Variants in CDH7 observed in about 807,000 individuals in gnomAD.
CDH7 encodes cadherin 7.
Under a neutral mutation model 71.8 loss-of-function variants are expected in CDH7, and 25 were observed. The observed-to-expected ratio is 0.35, with a 90% CI of 0.25 to 0.49. The LOEUF (loss-of-function observed/expected upper bound fraction) is 0.49. Among genes scored for constraint, CDH7 ranks in the 20% least tolerant of loss-of-function variants. The pLI, the probability that CDH7 is intolerant of heterozygous loss-of-function variation, is 0.99. For missense variants in CDH7, 862 were observed against 974.6 expected (o/e 0.88, Z 1.54); for synonymous variants, 381 against 363.8 (o/e 1.05, Z -0.54).
intron 11 of CDH7, among the ~76,000 whole-genome samples, chr18:65,871,250 T>A (rs985589495): frequency 1.3e-5 from 2 of 152,310 alleles, no homozygotes; most frequent in Non-Finnish European, 2.9e-5. Flanking sequence ...ATAAAGACAG[T>A]TATCGCCTAC....
chr18:65,785,048 G>A (rs1326102143), intron 2 of CDH7, among the ~76,000 whole-genome samples: 1 of 152,132 alleles, frequency 6.6e-6, no homozygotes. Context: ...TTCAATTAAT[G>A]ACTTTTGGAT....
At chr18:65,781,585 A>G (rs1453300937) in intron 2 of CDH7, among the ~76,000 whole-genome samples, 1 of 152,100 alleles carries the variant, frequency 6.6e-6, no homozygotes, top group Non-Finnish European at 1.5e-5. Flanking sequence ...AAGGAAATAC[A>G]AAACATAATA....
At chr18:65,866,577 G>C (rs1464575303) in intron 11 of CDH7, among the ~76,000 whole-genome samples, 2 of 152,042 alleles carry the variant, frequency 1.3e-5, no homozygotes, top group South Asian at 4.1e-4. Flanking sequence ...TAAGTTCGAG[G>C]GTTTGTAGGA....
chr18:65,840,649 G>C (rs1182134336), intron 6 of CDH7, among the ~76,000 whole-genome samples: 1 of 152,048 alleles, frequency 6.6e-6, no homozygotes, highest in African/African-American at 2.4e-5. Context: ...CACTGCACAA[G>C]CTCTTCTCTT....
At chr18:65,856,011 G>T (rs1451903485) in intron 7 of CDH7, among the ~76,000 whole-genome samples, 1 of 151,770 alleles carries the variant, frequency 6.6e-6, no homozygotes, top group Non-Finnish European at 1.5e-5. Context: ...AAAAAAAAAT[G>T]GGGGAAGCTG....
intron 6 of CDH7, among the ~76,000 whole-genome samples, chr18:65,839,144 C>A (rs1912637702): frequency 6.6e-6 from 1 of 152,128 alleles, no homozygotes; most frequent in African/African-American, 2.4e-5. Flanking sequence ...TAAACATGGG[C>A]TTTTTGGACT....
rs192346443 is a variant in CDH7 at position 65,805,358 on chromosome 18, T to C, written c.211-4346T>C. ...GCTATGCTCAGGCAGTGAGAACTAG[T>C]CCAGCATGCTTGGACCATAGACTAC... On this transcript the variant is annotated intron_variant, in intron 2 of 11. Coordinates refer to ENST00000397968, the MANE Select transcript of CDH7 (RefSeq NM_004361.5). Among the ~76,000 whole-genome samples the C allele has an allele frequency of 9.2e-5, 14 of 152,234 alleles. No homozygotes were observed. In the East Asian group the frequency reaches 2.7e-3, roughly 30 times the overall value.
rs199518714 is a variant in CDH7, at chr18:65,766,922, A to AAAAAAAAATT, written c.210+3870_210+3871insAAAAAAAATT. Among the ~76,000 whole-genome samples, 74 of 136,938 alleles carry AAAAAAAAATT rather than the reference A, an allele frequency of 5.4e-4. 4 individuals are homozygous for AAAAAAAAATT. The highest frequency in any genetic ancestry group is 2.0e-3 in the African/African-American group (74 of 36,570). The allele number at this position is 136,938 out of a possible 152,430, so 89.8% of individuals were successfully genotyped here. On this transcript the variant is annotated intron_variant, in intron 2 of 11. Transcript: ENST00000397968. ...AAAAAAAAAAAAAAAAAAAAAAAAA[A>AAAAAAAAATT]GTCTACAAAACCACTCAGCCTCTGT...
intron 6 of CDH7, among the ~76,000 whole-genome samples, chr18:65,832,214 CTATTA>C (rs10547063): frequency 0.88 from 133,836 of 151,700 alleles, 61,472 homozygotes; most frequent in East Asian, 1. Flanking sequence ...AAATAATGTA[CTATTA>C]TATTATATGT....
At chr18:65,868,155 T>C (rs1224908377) in intron 11 of CDH7, among the ~76,000 whole-genome samples, 1 of 152,180 alleles carries the variant, frequency 6.6e-6, no homozygotes, top group Non-Finnish European at 1.5e-5. Flanking sequence ...CTAGAGATAA[T>C]AATGTGCAGA....
At chr18:65,811,793 T>A (rs1911547478) in intron 3 of CDH7, among the ~76,000 whole-genome samples, 1 of 152,056 alleles carries the variant, frequency 6.6e-6, no homozygotes, top group African/African-American at 2.4e-5. Context: ...ATATGTGAAC[T>A]TTTTGTTTTA....
chr18:65,841,391 T>C (rs997166716), intron 6 of CDH7, among the ~76,000 whole-genome samples: 6 of 152,218 alleles, frequency 3.9e-5, no homozygotes, highest in African/African-American at 1.4e-4. Flanking sequence ...TGCCTTTTGC[T>C]AATGTGAAAA....
In CDH7 at chr18:65,807,320, A is replaced by G. The variant is rs138584051; in HGVS notation, c.211-2384A>G. The stretch of plus-strand genomic sequence containing the variant: ...GCTTACTGTGTGATTTTTCTTGAAA[A>G]TAAATTTATTTTGTCTCTCATACTT... On this transcript the variant is annotated intron_variant, in intron 2 of 11. Coordinates refer to ENST00000397968, the MANE Select transcript of CDH7 (RefSeq NM_004361.5). Among the ~76,000 whole-genome samples, 1,185 of 152,240 alleles carry G rather than the reference A, an allele frequency of 7.8e-3. 13 individuals carry two copies. Among genetic ancestry groups the G allele is most frequent in the Non-Finnish European group, 0.012 (806 of 68,018 alleles).
At chr18:65,761,416 T>C (rs1294350461) in intron 1 of CDH7, among the ~76,000 whole-genome samples, 2 of 152,080 alleles carry the variant, frequency 1.3e-5, no homozygotes, top group Non-Finnish European at 2.9e-5. Context: ...ACAGACACTC[T>C]TCTTACAGAA....
intron 11 of CDH7, among the ~76,000 whole-genome samples, chr18:65,873,368 T>C (rs1039047487): frequency 9.9e-5 from 15 of 152,196 alleles, no homozygotes; most frequent in Admixed American, 8.5e-4. Flanking sequence ...TTGTCCAAAA[T>C]AAAGTTATTG....
intron 1 of CDH7, among the ~76,000 whole-genome samples, chr18:65,757,693 T>C (rs1421262914): frequency 6.6e-6 from 1 of 152,142 alleles, no homozygotes; most frequent in Admixed American, 6.5e-5. Context: ...TCCTCAGATA[T>C]AACCTGTTCT....
chr18:65,782,158 CTTTCTTCCTTTCTTTCTTTCTT>C (rs1910324718), intron 2 of CDH7, among the ~76,000 whole-genome samples: 1 of 110,476 alleles, frequency 9.1e-6, no homozygotes, highest in African/African-American at 4.5e-5. Flanking sequence ...TTCTTTCTTT[CTTTCTTCCTTTCTTTCTTTCTT>C]TCTTTCTTGA....
intron 11 of CDH7, among the ~76,000 whole-genome samples, chr18:65,872,599 A>G (rs759707161): frequency 3.9e-5 from 6 of 152,090 alleles, no homozygotes; most frequent in Non-Finnish European, 8.8e-5. Flanking sequence ...TCAGTTCAAT[A>G]TTAAAAGGAA....
In CDH7 at chr18:65,885,372, G is replaced by GTTTTTGTTTTTTTTTTTTTTTTTTTTT. The variant is rs1914342403; in HGVS notation, c.*4483_*4484insGTTTTTTTTTTTTTTTTTTTTTTTTTT. The GTTTTTGTTTTTTTTTTTTTTTTTTTTT allele has an allele frequency of 1.4e-5, 1 of 69,436 alleles. No homozygotes were observed. Among genetic ancestry groups the GTTTTTGTTTTTTTTTTTTTTTTTTTTT allele is most frequent in the African/African-American group, 5.2e-5 (1 of 19,180 alleles). 4.3% of individuals were successfully genotyped at this position (69,436 alleles called of 1,614,324 possible). A position where few individuals can be genotyped will look rare whatever the true frequency, so the allele number is the denominator to read the frequency against. ...GTAACTGAAAAGGATGTGTGCCTGTGTTTTTTTTTTTTTTTTTTTTTTTGA... is the reference window on the plus strand; with the variant it reads ...GTAACTGAAAAGGATGTGTGCCTGTGTTTTTGTTTTTTTTTTTTTTTTTTTTTTTTTTTTTTTTTTTTTTTTTTTTGA... On this transcript the variant is annotated 3_prime_UTR_variant, in exon 12 of 12. Coordinates refer to ENST00000397968, the MANE Select transcript of CDH7 (RefSeq NM_004361.5).
Sources: allele counts gnomAD v4.1 joint callset (sites outside exome capture counted in the v4.1 genomes callset), GRCh38; gene constraint gnomAD v4.1.1; transcripts MANE v1.5; gene names NCBI Gene and HGNC (gene_info 2026-07-23, HGNC 2026-07-21).